Variants in CLIP1 observed in about 807,000 individuals in gnomAD.
The protein encoded by CLIP1 is CAP-Gly domain-containing linker protein 1.
In CLIP1, 66 loss-of-function variants were observed where a neutral mutation model predicts 161.6. The observed-to-expected ratio is 0.41, with a 90% confidence interval of 0.33 to 0.50. The LOEUF (loss-of-function observed/expected upper bound fraction) is 0.50, where lower values mean the gene tolerates loss of function less well. Among genes scored for constraint, CLIP1 ranks in the 20% least tolerant of loss-of-function variants. CLIP1 has a pLI of 0.27. For synonymous variants in CLIP1, 598 were observed against 626.2 expected, an observed-to-expected ratio of 0.96 and a Z score of 0.67; for missense variants, 1,376 against 1,702.0, an observed-to-expected ratio of 0.81 and a Z score of 3.37.
intron 6 of CLIP1, chr12:122,354,772 T>TGG: frequency 3.5e-6 from 2 of 579,226 alleles, no homozygotes; most frequent in Non-Finnish European, 6.2e-6. Flanking sequence ...ACACCTCTCA[T>TGG]CTTTTTTGAA....
intron 1 of CLIP1, among the ~76,000 whole-genome samples, chr12:122,396,933 ATTTTTTTTTTTT>A (rs34381270): frequency 6.7e-5 from 5 of 75,062 alleles, no homozygotes; most frequent in South Asian, 5.8e-4. Context: ...CACCCGGCAA[ATTTTTTTTTTTT>A]TTTTTTTTTT....
chr12:122,340,899 T>C lies in CLIP1; in HGVS notation c.2305A>G (p.Thr769Ala), dbSNP rs1412687634. Residue 769 changes from threonine (T) to alanine (A), a missense_variant, in exon 11 of 26, where the codon ACT becomes GCT. Around this residue, in one of 6 missense-constraint regions of CLIP1, gnomAD observed 948 missense variants for 1,134.8 expected, o/e 0.84. Transcript: ENST00000620786. Reference protein sequence around the residue: ...IDNFTSQLKATEEKLLDLDAL... With the variant: ...IDNFTSQLKAAEEKLLDLDAL... ...TCAAGATCCAAGAGCTTTTCTTCAG[T>C]AGCCTTGAGCTGTGATGTAAAATTA... is the stretch of plus-strand genomic sequence containing the variant. 3.1e-6 allele frequency: 5 copies of C among 1,614,110 alleles called. No homozygotes were observed. Among genetic ancestry groups the C allele is most frequent in the Non-Finnish European group, 8.5e-7 (1 of 1,180,042 alleles).
rs566820204 is a variant in CLIP1, at chr12:122,372,626, A to G, written c.657+4763T>C. Among the ~76,000 whole-genome samples the G allele has an allele frequency of 7.9e-5, 12 of 152,178 alleles. No individual in the cohort carries two copies. In the South Asian group the frequency reaches 2.3e-3, roughly 29 times the overall value. On this transcript the variant is annotated intron_variant, in intron 3 of 25. Transcript: ENST00000620786. The stretch of plus-strand genomic sequence containing the variant: ...AACAAAACTAAAATCAGAAAAAATA[A>G]TTATTCAAATCTGCAGCAAACCTCA...
At chr12:122,288,847 G>A (rs916157053) in intron 20 of CLIP1, among the ~76,000 whole-genome samples, 42 of 131,408 alleles carry the variant, frequency 3.2e-4, no homozygotes, top group African/African-American at 1.2e-3. Flanking sequence ...ACGGAGTGTC[G>A]CTCTGTCGCC....
At chr12:122,288,577 C>G in intron 20 of CLIP1, 36 bp from the exon 21 acceptor site, 1 of 1,581,742 alleles carries the variant, frequency 6.3e-7, no homozygotes, top group Non-Finnish European at 8.6e-7. Flanking sequence ...AGTTCATAAC[C>G]AGGCCACAGA....
Position 122,323,300 on chromosome 12 carries a change from T to C in CLIP1, c.3250-3952A>G, listed in dbSNP as rs1348239070. On this transcript the variant is annotated intron_variant, in intron 17 of 25. Transcript: ENST00000620786. The surrounding 1 kb of genome is among the most constrained non-coding windows in gnomAD (Gnocchi z 4.1). ...ATGGGCAGCCTCTTCTAAGCATTTG[T>C]GGAGTTTTTCAGTGATTATTCTATT... is the stretch of plus-strand genomic sequence containing the variant. 6.6e-6 allele frequency: 1 copy of C among 152,650 alleles called. No individual in the cohort carries two copies. The highest frequency in any genetic ancestry group is 1.5e-5 in the Non-Finnish European group (1 of 68,044). The allele number at this position is 152,650 out of a possible 1,614,324, so 9.5% of individuals were successfully genotyped here.
At chr12:122,340,699 G>T in intron 11 of CLIP1, 54 bp downstream of exon 11, 1 of 1,413,930 alleles carries the variant, frequency 7.1e-7, no homozygotes, top group Non-Finnish European at 9.6e-7. Context: ...GTAACATAAT[G>T]CAAAACAAGA....
chr12:122,274,400 T>C, intron 24 of CLIP1: 1 of 395,668 alleles, frequency 2.5e-6, no homozygotes, highest in Non-Finnish European at 4.7e-6. Context: ...TGGCAGTTTC[T>C]TTTACCCCCT....
At chr12:122,346,128 G>C (rs1402216472) in intron 10 of CLIP1, among the ~76,000 whole-genome samples, 1 of 152,096 alleles carries the variant, frequency 6.6e-6, no homozygotes, top group Admixed American at 6.6e-5. Flanking sequence ...ATAATAGACG[G>C]ACTCCATCCT....
chr12:122,365,403 T>C (rs925084302), intron 3 of CLIP1: 27 of 816,626 alleles, frequency 3.3e-5, no homozygotes, highest in Middle Eastern at 2.8e-4. Context: ...GGCAAGATTC[T>C]TGCCAAGAGA....
chr12:122,392,798 T>C (rs1398555441), intron 1 of CLIP1, among the ~76,000 whole-genome samples: 2 of 152,158 alleles, frequency 1.3e-5, no homozygotes, highest in Non-Finnish European at 2.9e-5. Context: ...GGTTTTTTTT[T>C]GAGACAGGGT....
At chr12:122,273,813 C>T (rs1386873933) in intron 25 of CLIP1, among the ~76,000 whole-genome samples, 1 of 151,636 alleles carries the variant, frequency 6.6e-6, no homozygotes, top group Non-Finnish European at 1.5e-5. Context: ...CTCATTGCAA[C>T]CTCCAGCTCC....
chr12:122,367,900 C>G (rs1954246914), intron 3 of CLIP1, among the ~76,000 whole-genome samples: 1 of 152,140 alleles, frequency 6.6e-6, no homozygotes, highest in Non-Finnish European at 1.5e-5. Context: ...TGCCTGTGAT[C>G]CCAGCTACTG....
At chr12:122,316,995 G>A (rs923923820) in intron 18 of CLIP1, 140 bp from the exon 19 acceptor site, 1 of 586,026 alleles carries the variant, frequency 1.7e-6, no homozygotes, top group African/African-American at 1.9e-5. Context: ...CCTGGGTGAA[G>A]AGATTACAGA....
intron 14 of CLIP1, among the ~76,000 whole-genome samples, chr12:122,333,461 C>G (rs1266479802): frequency 2.0e-5 from 3 of 152,128 alleles, no homozygotes; most frequent in African/African-American, 7.2e-5. Context: ...AAAGCAAGTG[C>G]ACAGGCTCTG....
rs750840261 is a variant in CLIP1, at chr12:122,332,710, C to T, written c.2867+277G>A. Among the ~76,000 whole-genome samples the T allele has an allele frequency of 7.8e-4, 119 of 152,284 alleles. 2 individuals carry two copies. Among genetic ancestry groups the T allele is most frequent in the Non-Finnish European group, 7.5e-4 (51 of 68,036 alleles). On this transcript the variant is annotated intron_variant, in intron 15 of 25. Coordinates refer to ENST00000620786, the MANE Select transcript of CLIP1 (RefSeq NM_001247997.2). Reference sequence around the variant, plus strand: ...TGCTGGGATTACAGGCATGAGCCACCGCACCCGGCCTTATTATCTTTTCTT... The same window carrying T: ...TGCTGGGATTACAGGCATGAGCCACTGCACCCGGCCTTATTATCTTTTCTT...
chr12:122,382,999 T>C (rs1163835016), intron 1 of CLIP1, among the ~76,000 whole-genome samples: 1 of 152,156 alleles, frequency 6.6e-6, no homozygotes, highest in Non-Finnish European at 1.5e-5. Flanking sequence ...AGCAGAGTTA[T>C]TTGTTCCTGC....
chr12:122,271,847 A>G lies in CLIP1; in HGVS notation c.*1028T>C, dbSNP rs1182643515. ...TACATTCATCTAAAAACAGTAAAAAAACTTGTGAAGGGAGATTGTAGATTG... is the reference window on the plus strand; with the variant it reads ...TACATTCATCTAAAAACAGTAAAAAGACTTGTGAAGGGAGATTGTAGATTG... On this transcript the variant is annotated 3_prime_UTR_variant, in exon 26 of 26. Coordinates refer to ENST00000620786, the MANE Select transcript of CLIP1 (RefSeq NM_001247997.2). 2 of 152,776 alleles carry G rather than the reference A, an allele frequency of 1.3e-5. No individual in the cohort carries two copies. Among genetic ancestry groups the G allele is most frequent in the Admixed American group, 1.3e-4 (2 of 15,294 alleles). 9.5% of individuals were successfully genotyped at this position (152,776 alleles called of 1,614,324 possible).
chr12:122,422,140 C>G (rs1956968550), intron 1 of CLIP1, among the ~76,000 whole-genome samples: 1 of 152,116 alleles, frequency 6.6e-6, no homozygotes, highest in African/African-American at 2.4e-5. Flanking sequence ...CGGGGTCCGG[C>G]CGATCCCACA....
Sources: allele counts gnomAD v4.1 joint callset (sites outside exome capture counted in the v4.1 genomes callset), GRCh38; gene constraint gnomAD v4.1.1; regional missense constraint gnomAD v4.1.1; non-coding constraint Gnocchi (gnomAD v3.1); transcripts MANE v1.5; gene names NCBI Gene and HGNC (gene_info 2026-07-23, HGNC 2026-07-21).